WDR44: variants seen among roughly 807,000 people sequenced by gnomAD.
The protein encoded by WDR44 is WD repeat domain 44.
WDR44 carries 9 observed loss-of-function variants against 65.7 expected under a neutral mutation model. The observed-to-expected ratio is 0.14, with a 90% CI of 0.08 to 0.24. The LOEUF (loss-of-function observed/expected upper bound fraction) is 0.24. Ranked by LOEUF, WDR44 falls within the 10% of genes least tolerant of loss-of-function variation. WDR44 has a pLI of 1.00. For synonymous variants in WDR44, 220 were observed against 235.2 expected (o/e 0.94, Z 0.59); for missense variants, 425 against 670.9 (o/e 0.63, Z 4.05).
intron 2 of WDR44, among the ~76,000 whole-genome samples, chrX:118,383,879 T>TC: frequency 1.7e-5 from 1 of 58,913 alleles, no homozygotes; most frequent in South Asian, 1.0e-3. Flanking sequence ...TTTTAATTTC[T>TC]TTTTTTTTTT....
At chrX:118,386,001 G>A (rs1323055090) in intron 2 of WDR44, among the ~76,000 whole-genome samples, 1 of 111,091 alleles carries the variant, frequency 9.0e-6, no homozygotes, top group Non-Finnish European at 1.9e-5. Context: ...AAATTCTGGG[G>A]GAGGAATTCA....
At chrX:118,424,323 G>GTATATATATATATATGTA (rs1556124486) in intron 12 of WDR44, among the ~76,000 whole-genome samples, 1 of 65,566 alleles carries the variant, frequency 1.5e-5, no homozygotes, top group Non-Finnish European at 2.5e-5. Flanking sequence ...GTGTGTGTGT[G>GTATATATATATATATGTA]TATATATATA....
At chrX:118,346,603 G>C (rs753489236) in intron 1 of WDR44, 23 bp downstream of exon 1, 1 of 1,137,688 alleles carries the variant, frequency 8.8e-7, no homozygotes, top group East Asian at 3.2e-5. Flanking sequence ...AGCTATGACA[G>C]GAAGCCGGGC....
chrX:118,431,292 AT>A (rs753416910), intron 12 of WDR44, among the ~76,000 whole-genome samples: 1 of 110,527 alleles, frequency 9.0e-6, no homozygotes, highest in South Asian at 3.8e-4. Context: ...TTTATTGTTT[AT>A]TTTATTTTAT....
chrX:118,420,067 G>C (rs139898204), intron 12 of WDR44, among the ~76,000 whole-genome samples: 5,606 of 108,054 alleles, frequency 0.052, 147 homozygotes, highest in Admixed American at 0.1. Context: ...AATACCTGTG[G>C]AACTTACCCC....
intron 1 of WDR44, among the ~76,000 whole-genome samples, chrX:118,364,280 T>A (rs1035764688): frequency 8.9e-6 from 1 of 112,109 alleles, no homozygotes; most frequent in Non-Finnish European, 1.9e-5. Flanking sequence ...AGTGTAAATT[T>A]ATTTAGTGTT....
chrX:118,413,572 C>T (rs1712249898), intron 12 of WDR44, among the ~76,000 whole-genome samples: 1 of 111,633 alleles, frequency 9.0e-6, no homozygotes, highest in Non-Finnish European at 1.9e-5. Flanking sequence ...GTTGTTCATT[C>T]TGGATATTAG....
intron 7 of WDR44, among the ~76,000 whole-genome samples, chrX:118,397,963 A>G (rs1239449579): frequency 8.9e-6 from 1 of 112,242 alleles, no homozygotes; most frequent in Admixed American, 9.5e-5. Context: ...TGGGCCGAGC[A>G]CAGTGGCTCA....
chrX:118,402,936 A>G (rs1305579491), intron 8 of WDR44, among the ~76,000 whole-genome samples: 1 of 111,878 alleles, frequency 8.9e-6, no homozygotes, highest in Non-Finnish European at 1.9e-5. Flanking sequence ...TCCATGGGGT[A>G]TACGTTCCAA....
At chrX:118,365,842 T>C (rs778834177) in intron 1 of WDR44, among the ~76,000 whole-genome samples, 2 of 112,060 alleles carry the variant, frequency 1.8e-5, no homozygotes, top group Non-Finnish European at 3.8e-5. Context: ...AATTAAACAG[T>C]GTTTAAGAAA....
intron 1 of WDR44, among the ~76,000 whole-genome samples, chrX:118,364,632 A>G (rs892168840): frequency 3.6e-5 from 4 of 112,338 alleles, no homozygotes; most frequent in African/African-American, 1.3e-4. Flanking sequence ...GAAGGGGCCT[A>G]AAGACTCAAC....
intron 12 of WDR44, among the ~76,000 whole-genome samples, chrX:118,428,429 C>T (rs1160002476): frequency 1.8e-5 from 2 of 110,989 alleles, no homozygotes; most frequent in Admixed American, 9.7e-5. Flanking sequence ...GACGAACTAC[C>T]GTGCCTGGCC....
chrX:118,370,410 G>A (rs1405357698), intron 1 of WDR44, among the ~76,000 whole-genome samples: 2 of 109,661 alleles, frequency 1.8e-5, no homozygotes, highest in Non-Finnish European at 3.8e-5. Flanking sequence ...CTGAGTTCAC[G>A]CAAGATCTGG....
At chrX:118,382,559 A>T (rs1305719493) in intron 2 of WDR44, among the ~76,000 whole-genome samples, 1 of 112,292 alleles carries the variant, frequency 8.9e-6, no homozygotes, top group Non-Finnish European at 1.9e-5. Flanking sequence ...AGTTACCTGA[A>T]TTTTTCTATA....
chrX:118,395,042 A>G (rs1053950612), intron 5 of WDR44, among the ~76,000 whole-genome samples: 28 of 112,058 alleles, frequency 2.5e-4, no homozygotes, highest in Admixed American at 1.1e-3. Flanking sequence ...ATACTAAGAC[A>G]TTATTTCATG....
In WDR44 at chrX:118,397,294, A is replaced by C. The variant is rs186664751; in HGVS notation, c.1190+188A>C. ...ATTATGACTGTACAGTTACTTGGGG[A>C]AAATAGTATAAATATTAAATCCCAT... On this transcript the variant is annotated intron_variant, in intron 7 of 19. Coordinates refer to ENST00000254029, the MANE Select transcript of WDR44 (RefSeq NM_019045.5). 2.4e-4 allele frequency among the ~76,000 whole-genome samples: 27 copies of C among 111,259 alleles called. 1 individual carries two copies. The highest frequency in any genetic ancestry group is 8.5e-4 in the African/African-American group (26 of 30,668).
intron 3 of WDR44, among the ~76,000 whole-genome samples, chrX:118,391,615 G>A (rs1442864057): frequency 3.6e-5 from 4 of 111,831 alleles, no homozygotes; most frequent in African/African-American, 1.3e-4. Context: ...TATTAGTAAT[G>A]ACAAGACTGG....
At chrX:118,395,440 G>T in intron 6 of WDR44, 96 bp downstream of exon 6, 1 of 671,133 alleles carries the variant, frequency 1.5e-6, no homozygotes. Flanking sequence ...GGTAATGATG[G>T]TTGCATGACA....
At chrX:118,374,467 T>C (rs969271681) in intron 1 of WDR44, among the ~76,000 whole-genome samples, 2 of 111,872 alleles carry the variant, frequency 1.8e-5, no homozygotes, top group African/African-American at 6.5e-5. Context: ...GAAATTGTAG[T>C]AGTTTGAAAT....
Sources: gnomAD v4.1 joint callset for allele counts (sites outside exome capture counted in the v4.1 genomes callset) on GRCh38, gnomAD v4.1.1 for gene constraint, MANE v1.5 for transcripts, NCBI Gene and HGNC (gene_info 2026-07-23, HGNC 2026-07-21) for gene names.